EPB41L4A: variants seen among roughly 807,000 people sequenced by gnomAD.
The protein encoded by EPB41L4A is band 4.1-like protein 4A.
In EPB41L4A, 100 loss-of-function variants were observed where a neutral mutation model predicts 108.6. That is an observed-to-expected ratio of 0.92 (90% confidence interval 0.78 to 1.09). The LOEUF (loss-of-function observed/expected upper bound fraction) is 1.09, where lower values mean the gene tolerates loss of function less well. Ranked by LOEUF, EPB41L4A falls within the 50% of genes least tolerant of loss-of-function variation. EPB41L4A has a pLI of 0.00. For synonymous variants in EPB41L4A, 319 were observed against 289.0 expected, an observed-to-expected ratio of 1.10 and a Z score of -1.05; for missense variants, 1,030 against 842.7, an observed-to-expected ratio of 1.22 and a Z score of -2.75.
intron 12 of EPB41L4A, among the ~76,000 whole-genome samples, chr5:112,152,647 T>C (rs1474992996): frequency 1.3e-5 from 2 of 152,176 alleles, no homozygotes; most frequent in East Asian, 3.9e-4. Flanking sequence ...TGTGTTGTGA[T>C]AAATTACCCA....
intron 22 of EPB41L4A, among the ~76,000 whole-genome samples, chr5:112,168,130 C>G (rs906387376): frequency 9.2e-5 from 14 of 152,162 alleles, no homozygotes; most frequent in African/African-American, 3.4e-4. Flanking sequence ...TTTTTCCCAT[C>G]TTATTAAAAA....
chr5:112,314,394 A>G (rs113898234), intron 1 of EPB41L4A, among the ~76,000 whole-genome samples: 2,012 of 148,882 alleles, frequency 0.014, 39 homozygotes, highest in African/African-American at 0.047. Context: ...TCAGCCGGGC[A>G]TGGTGGCTCA....
chr5:112,407,406 G>A (rs377391432), intron 1 of EPB41L4A, among the ~76,000 whole-genome samples: 23 of 152,264 alleles, frequency 1.5e-4, no homozygotes, highest in African/African-American at 5.5e-4. Context: ...AATCCTGCTA[G>A]AAATCCCCAA....
At chr5:112,256,493 G>T (rs545908028) in intron 9 of EPB41L4A, among the ~76,000 whole-genome samples, 6 of 151,928 alleles carry the variant, frequency 3.9e-5, no homozygotes, top group Non-Finnish European at 7.4e-5. Context: ...TCGGCAAAAC[G>T]ACTAGATATG....
intron 1 of EPB41L4A, among the ~76,000 whole-genome samples, chr5:112,342,191 G>A (rs1173242701): frequency 1.3e-5 from 2 of 152,166 alleles, no homozygotes; most frequent in Admixed American, 1.3e-4. Context: ...GTAATGAAGA[G>A]AAATACTATA....
At chr5:112,151,722 A>G (rs1315485435) in intron 12 of EPB41L4A, among the ~76,000 whole-genome samples, 3 of 146,710 alleles carry the variant, frequency 2.0e-5, no homozygotes, top group Non-Finnish European at 3.0e-5. Flanking sequence ...ATTATTTTAT[A>G]TATTTAGTCT....
At chr5:112,237,455 T>A (rs189457349) in intron 11 of EPB41L4A, among the ~76,000 whole-genome samples, 1 of 152,114 alleles carries the variant, frequency 6.6e-6, no homozygotes, top group African/African-American at 2.4e-5. Context: ...CCATCACATA[T>A]ATGTATGGTG....
At chr5:112,237,261 A>T (rs779642260) in intron 11 of EPB41L4A, among the ~76,000 whole-genome samples, 4 of 152,332 alleles carry the variant, frequency 2.6e-5, no homozygotes, top group Admixed American at 1.3e-4. Flanking sequence ...GTACTGGAAC[A>T]TCAGATTTCA....
chr5:112,218,594 G>A (rs531553427), intron 12 of EPB41L4A, among the ~76,000 whole-genome samples: 2 of 152,188 alleles, frequency 1.3e-5, no homozygotes, highest in Admixed American at 6.5e-5. Context: ...AGCTGGTTCT[G>A]TCTCAGAGGA....
intron 15 of EPB41L4A, among the ~76,000 whole-genome samples, chr5:112,204,076 T>C (rs528003794): frequency 4.6e-5 from 7 of 150,862 alleles, no homozygotes; most frequent in Admixed American, 1.3e-4. Flanking sequence ...CTTTGTAATA[T>C]ACTATATATA....
intron 11 of EPB41L4A, among the ~76,000 whole-genome samples, chr5:112,236,799 T>A (rs2150371904): frequency 6.6e-6 from 1 of 152,324 alleles, no homozygotes; most frequent in African/African-American, 2.4e-5. Context: ...ACTTACTGAT[T>A]AGGGACGCTT....
intron 15 of EPB41L4A, among the ~76,000 whole-genome samples, chr5:112,198,510 G>T (rs1055368066): frequency 2.6e-5 from 4 of 152,232 alleles, no homozygotes; most frequent in African/African-American, 9.6e-5. Flanking sequence ...TGCTTAGTGG[G>T]TTCTTCTCTA....
intron 1 of EPB41L4A, among the ~76,000 whole-genome samples, chr5:112,309,308 T>A: frequency 6.6e-6 from 1 of 152,218 alleles, no homozygotes; most frequent in Admixed American, 6.5e-5. Flanking sequence ...ATTTGTTTGA[T>A]ATCCATCTTT....
chr5:112,280,307 G>A lies in EPB41L4A; in HGVS notation c.221C>T (p.Ala74Val). The A allele has an allele frequency of 6.2e-7, 1 of 1,613,942 alleles. No individual in the cohort carries two copies. The highest frequency in any genetic ancestry group is 1.1e-5 in the South Asian group (1 of 91,080). ...TTCTTTGTGTTCAGCAAGGGTTTTTGCAGGATCCAGCCAATACTGTGTGAG... is the reference window on the plus strand; with the variant it reads ...TTCTTTGTGTTCAGCAAGGGTTTTTACAGGATCCAGCCAATACTGTGTGAG... ...RSHQTYWLDP[A>V]KTLAEHKELI... is the part of the protein sequence containing the mutation. The change falls in exon 3 of 23, where the codon GCA (alanine) becomes GTA (valine). Residue 74 changes from alanine to valine, a missense_variant. Ala to Val is a moderately conservative substitution (Grantham distance 64, BLOSUM62 0). Transcript: ENST00000261486.
intron 6 of EPB41L4A, 149 bp from the exon 7 acceptor site, chr5:112,262,730 G>T: frequency 3.1e-6 from 2 of 651,790 alleles, no homozygotes; most frequent in South Asian, 2.0e-5. Flanking sequence ...GAAGGCCTTT[G>T]CTTCTTGGTG....
intron 17 of EPB41L4A, among the ~76,000 whole-genome samples, chr5:112,191,445 T>C (rs895954053): frequency 3.9e-5 from 6 of 152,228 alleles, no homozygotes; most frequent in South Asian, 4.1e-4. Flanking sequence ...GTGTGGATTA[T>C]TATTTTTTAA....
chr5:112,269,846 T>C (rs1487847581), intron 4 of EPB41L4A, among the ~76,000 whole-genome samples: 2 of 152,180 alleles, frequency 1.3e-5, no homozygotes, highest in Admixed American at 1.3e-4. Context: ...CCTCCTTATG[T>C]AAACTAACAA....
chr5:112,357,246 G>A (rs1758413397), intron 1 of EPB41L4A, among the ~76,000 whole-genome samples: 1 of 152,238 alleles, frequency 6.6e-6, no homozygotes, highest in Non-Finnish European at 1.5e-5. Flanking sequence ...CTTGCAACCA[G>A]GCTCTGGCAA....
At chr5:112,283,258 C>T (rs536365265) in intron 2 of EPB41L4A, among the ~76,000 whole-genome samples, 1 of 152,324 alleles carries the variant, frequency 6.6e-6, no homozygotes, top group Non-Finnish European at 1.5e-5. Flanking sequence ...ACACACAAAT[C>T]TCATTTGATC....
Sources: gnomAD v4.1 joint callset for allele counts (sites outside exome capture counted in the v4.1 genomes callset) on GRCh38, gnomAD v4.1.1 for gene constraint, MANE v1.5 for transcripts, NCBI Gene and HGNC (gene_info 2026-07-23, HGNC 2026-07-21) for gene names.